FRMD5: variants seen among roughly 807,000 people sequenced by gnomAD.
FRMD5 encodes FERM domain containing 5.
Under a neutral mutation model 69.0 loss-of-function variants are expected in FRMD5, and 20 were observed. The observed-to-expected ratio is 0.29, with a 90% confidence interval of 0.20 to 0.42. FRMD5 has a LOEUF of 0.42. Among genes scored for constraint, FRMD5 ranks in the 10% least tolerant of loss-of-function variants. FRMD5 has a pLI of 1.00. For missense variants in FRMD5, 595 were observed against 708.6 expected (o/e 0.84, Z 1.82); for synonymous variants, 271 against 260.1 (o/e 1.04, Z -0.40).
intron 5 of FRMD5, among the ~76,000 whole-genome samples, chr15:43,907,268 GTACTTTTTCAC>G (rs2089196797): frequency 6.6e-6 from 1 of 152,192 alleles, no homozygotes; most frequent in Non-Finnish European, 1.5e-5. Flanking sequence ...CTTGGGACTT[GTACTTTTTCAC>G]TACAAACCTA....
chr15:43,996,803 A>G (rs1889952593), intron 1 of FRMD5, among the ~76,000 whole-genome samples: 1 of 143,388 alleles, frequency 7.0e-6, no homozygotes, highest in Admixed American at 7.7e-5. Flanking sequence ...TTGAAAATGC[A>G]GAATTTTAGG....
chr15:43,939,911 G>A (rs1327665856), intron 1 of FRMD5, among the ~76,000 whole-genome samples: 2 of 152,192 alleles, frequency 1.3e-5, no homozygotes, highest in African/African-American at 4.8e-5. Context: ...ACCAGGCGCG[G>A]TGGCTCATGT....
upstream of FRMD5, among the ~76,000 whole-genome samples, chr15:44,197,162 C>T (rs1015965360): frequency 2.6e-5 from 4 of 151,194 alleles, no homozygotes; most frequent in South Asian, 8.4e-4. Context: ...GATTGTGCCA[C>T]TGCACTCCAG....
chr15:43,991,426 G>A (rs1889670579), intron 1 of FRMD5, among the ~76,000 whole-genome samples: 1 of 152,212 alleles, frequency 6.6e-6, no homozygotes, highest in South Asian at 2.1e-4. Context: ...AGCCCTGAAT[G>A]CCTGGGACAG....
chr15:44,095,769 C>T (rs1439419210), intron 1 of FRMD5, among the ~76,000 whole-genome samples: 1 of 152,174 alleles, frequency 6.6e-6, no homozygotes, highest in East Asian at 1.9e-4. Context: ...AAAGGAACTG[C>T]TCCTATACCT....
At chr15:43,903,006 T>C (rs188811928) in intron 6 of FRMD5, among the ~76,000 whole-genome samples, 35 of 152,282 alleles carry the variant, frequency 2.3e-4, no homozygotes, top group African/African-American at 8.2e-4. Flanking sequence ...TGTCTGTCCA[T>C]AGGGTGATGA....
In FRMD5 at chr15:43,974,016, CT is replaced by C. The variant is rs1297501201; in HGVS notation, c.103-49708del. ...GATCCCATTGAACATATCAAATTAA[CT>C]TTTTTTTTTTTTTGAGGTTACTCCA... is the stretch of plus-strand genomic sequence containing the variant. On this transcript the variant is annotated intron_variant, in intron 1 of 13. Transcript: ENST00000417257. 3.6e-3 allele frequency among the ~76,000 whole-genome samples: 513 copies of C among 140,936 alleles called. 1 individual carries two copies. The highest frequency in any genetic ancestry group is 0.011 in the Admixed American group (151 of 13,846). The allele number at this position is 140,936 out of a possible 152,430, so 92.5% of individuals were successfully genotyped here. A position where few individuals can be genotyped will look rare whatever the true frequency, so the allele number is the denominator to read the frequency against.
At chr15:44,063,683 G>A in intron 1 of FRMD5, 2 of 384,430 alleles carry the variant, frequency 5.2e-6, no homozygotes, top group Admixed American at 6.1e-5. Flanking sequence ...AAGTTCCACA[G>A]CATCATCAAG....
chr15:44,041,487 GCAC>G (rs1441680273), intron 1 of FRMD5, among the ~76,000 whole-genome samples: 1 of 151,900 alleles, frequency 6.6e-6, no homozygotes, highest in Non-Finnish European at 1.5e-5. Flanking sequence ...ATTCTGCTCA[GCAC>G]CACATCACAC....
intron 1 of FRMD5, among the ~76,000 whole-genome samples, chr15:44,074,652 A>G (rs1893683478): frequency 6.6e-6 from 1 of 152,094 alleles, no homozygotes. Flanking sequence ...TTTACTGTAT[A>G]CTTTTTCCTG....
chr15:44,061,594 C>T (rs1365291160), intron 1 of FRMD5, among the ~76,000 whole-genome samples: 1 of 152,172 alleles, frequency 6.6e-6, no homozygotes. Flanking sequence ...GTTTGTTATG[C>T]CAGTCCAATT....
chr15:44,147,406 G>T (rs1018622167), intron 1 of FRMD5, among the ~76,000 whole-genome samples: 1 of 152,080 alleles, frequency 6.6e-6, no homozygotes, highest in Non-Finnish European at 1.5e-5. Context: ...GTCGGGTAGC[G>T]TGATGCCTCC....
chr15:44,019,774 AAAAGAAAAAAGAAAG>A (rs1891132614), intron 1 of FRMD5, among the ~76,000 whole-genome samples: 1 of 150,712 alleles, frequency 6.6e-6, no homozygotes, highest in East Asian at 1.9e-4. Context: ...AAAAGAAAAG[AAAAGAAAAAAGAAAG>A]AAAGAAAAAA....
chr15:44,104,354 T>C (rs1449396048), intron 1 of FRMD5, among the ~76,000 whole-genome samples: 1 of 152,168 alleles, frequency 6.6e-6, no homozygotes, highest in Non-Finnish European at 1.5e-5. Context: ...TAATTTGTTA[T>C]TGAAGAAAAA....
intron 1 of FRMD5, among the ~76,000 whole-genome samples, chr15:44,128,200 C>G (rs2077049593): frequency 6.6e-6 from 1 of 152,218 alleles, no homozygotes; most frequent in South Asian, 2.1e-4. Flanking sequence ...TTAAGTTTCA[C>G]TGGGCACAGG....
At chr15:44,110,421 T>A (rs1426755735) in intron 1 of FRMD5, among the ~76,000 whole-genome samples, 1 of 152,214 alleles carries the variant, frequency 6.6e-6, no homozygotes, top group Non-Finnish European at 1.5e-5. Flanking sequence ...AGGAGTGTGA[T>A]TGCTAGATTA....
intron 1 of FRMD5, among the ~76,000 whole-genome samples, chr15:44,159,159 G>T (rs1020521545): frequency 6.6e-6 from 1 of 152,176 alleles, no homozygotes; most frequent in African/African-American, 2.4e-5. Context: ...TCTGGAAATA[G>T]AGAGTGGTGT....
intron 1 of FRMD5, among the ~76,000 whole-genome samples, chr15:44,140,818 G>A (rs1178988086): frequency 7.2e-6 from 1 of 139,626 alleles, no homozygotes; most frequent in Non-Finnish European, 1.5e-5. Flanking sequence ...AGGAGATCGA[G>A]GCTGCAATGA....
chr15:44,109,011 AAAATAAAAT>A (rs1306507281), intron 1 of FRMD5, among the ~76,000 whole-genome samples: 30 of 148,478 alleles, frequency 2.0e-4, no homozygotes, highest in African/African-American at 7.8e-4. Flanking sequence ...AAAATAAAAT[AAAATAAAAT>A]GTTTGCCAAT....
Sources: allele counts gnomAD v4.1 joint callset (sites outside exome capture counted in the v4.1 genomes callset), GRCh38; gene constraint gnomAD v4.1.1; transcripts MANE v1.5; gene names NCBI Gene and HGNC (gene_info 2026-07-23, HGNC 2026-07-21).